SHPRH: variants seen among roughly 807,000 people sequenced by gnomAD.
The protein encoded by SHPRH is SNF2 histone linker PHD RING helicase, also known as E3 ubiquitin-protein ligase SHPRH.
Under a neutral mutation model 202.5 loss-of-function variants are expected in SHPRH, and 106 were observed. The ratio of observed to expected loss-of-function variants is 0.52; its 90% CI spans 0.45 to 0.62. The LOEUF is 0.62. SHPRH is among the 20% of genes least tolerant of loss of function. The pLI, the probability that SHPRH is intolerant of heterozygous loss-of-function variation, is 0.00. For synonymous variants in SHPRH, 729 were observed against 686.0 expected (o/e 1.06, Z -0.98); for missense variants, 1,710 against 2,020.0 (o/e 0.85, Z 2.94).
chr6:145,880,564 G>C (rs1444212395), downstream of SHPRH, among the ~76,000 whole-genome samples: 2 of 151,918 alleles, frequency 1.3e-5, no homozygotes, highest in Non-Finnish European at 2.9e-5. Context: ...GGGAGGTTGA[G>C]GCTGCAGTGA....
At chr6:145,918,286 T>A in intron 22 of SHPRH, 54 bp from the exon 23 acceptor site, 1 of 1,121,508 alleles carries the variant, frequency 8.9e-7, no homozygotes, top group Non-Finnish European at 1.2e-6. Context: ...ACAGTTAAAT[T>A]ATATTAAATA....
chr6:145,930,241 A>G (rs1044004625), intron 14 of SHPRH, among the ~76,000 whole-genome samples: 14 of 152,156 alleles, frequency 9.2e-5, no homozygotes, highest in African/African-American at 3.4e-4. Flanking sequence ...GCTTAATGTA[A>G]GAAGATTTAT....
At chr6:145,911,560 G>T (rs1490376630) in intron 24 of SHPRH, among the ~76,000 whole-genome samples, 2 of 152,192 alleles carry the variant, frequency 1.3e-5, no homozygotes, top group Admixed American at 1.3e-4. Flanking sequence ...TAGTCTAGGT[G>T]TAAGTTCTAA....
intron 9 of SHPRH, 101 bp from the exon 10 acceptor site, chr6:145,941,975 A>G: frequency 7.2e-7 from 1 of 1,398,568 alleles, no homozygotes; most frequent in Non-Finnish European, 9.7e-7. Context: ...CTATTTTCTT[A>G]GGAGCATTCA....
In SHPRH at chr6:145,922,608, A is replaced by C; in HGVS notation, c.3719+55T>G. The C allele has an allele frequency of 2.0e-6, 3 of 1,521,070 alleles. No individual in the cohort carries two copies. In the East Asian group the frequency reaches 7.1e-5, roughly 36 times the overall value. 94.2% of individuals were successfully genotyped at this position (1,521,070 alleles called of 1,614,324 possible). A position where few individuals can be genotyped will look rare whatever the true frequency, so the allele number is the denominator to read the frequency against. On this transcript the variant is annotated intron_variant, in intron 19 of 29. Transcript: ENST00000275233. ...TGAGTCAATTGTTTCTTCTCTAAGA[A>C]ATCTAGCTTAAAGAAATGGTACCAT...
chr6:145,907,293 T>C (rs1245071668), intron 25 of SHPRH: 1 of 152,074 alleles, frequency 6.6e-6, no homozygotes, highest in African/African-American at 2.4e-5. Context: ...GTCTAGAATA[T>C]ACCCACTTCT....
In SHPRH at chr6:145,894,991, C is replaced by T. The variant is rs768316793; in HGVS notation, c.4516-14G>A. 2 of 1,606,372 alleles carry T rather than the reference C, an allele frequency of 1.2e-6. No individual in the cohort carries two copies. Among genetic ancestry groups the T allele is most frequent in the African/African-American group, 2.7e-5 (2 of 74,630 alleles). On this transcript the variant is annotated splice_polypyrimidine_tract_variant and intron_variant, in intron 25 of 29. Transcript: ENST00000275233. The stretch of plus-strand genomic sequence containing the variant: ...AGAATGGCTGCCCTTTGAACACACA[C>T]ACAAAATACACATTACTACTAAAAA...
At chr6:145,898,658 G>C (rs1310456785) in intron 25 of SHPRH, among the ~76,000 whole-genome samples, 2 of 152,054 alleles carry the variant, frequency 1.3e-5, no homozygotes, top group African/African-American at 4.8e-5. Context: ...TATGAGGGCA[G>C]GCTGTTATAA....
chr6:145,879,732 G>A (rs1780466103), intron 2 of SHPRH, among the ~76,000 whole-genome samples: 1 of 152,004 alleles, frequency 6.6e-6, no homozygotes, highest in Admixed American at 6.6e-5. Flanking sequence ...CCAACATGGT[G>A]AAACCCCGTG....
At chr6:145,960,260 A>G (rs1788951566) in intron 1 of SHPRH, among the ~76,000 whole-genome samples, 1 of 152,182 alleles carries the variant, frequency 6.6e-6, no homozygotes, top group Admixed American at 6.5e-5. Flanking sequence ...GTAGTTTTCA[A>G]AGTGCTTAAA....
intron 3 of SHPRH, among the ~76,000 whole-genome samples, chr6:145,951,526 G>A (rs1285294259): frequency 1.3e-5 from 2 of 151,788 alleles, no homozygotes; most frequent in Non-Finnish European, 2.9e-5. Flanking sequence ...TTAGATACCA[G>A]GCTTTAAAAT....
At position 145,947,649 on chromosome 6, in the gene SHPRH, GA is replaced by G; in HGVS notation, c.1062-7del. On this transcript the variant is annotated splice_region_variant and splice_polypyrimidine_tract_variant and intron_variant, in intron 5 of 29. Coordinates refer to ENST00000275233, the MANE Select transcript of SHPRH (RefSeq NM_001042683.3). Reference sequence around the variant, plus strand: ...TTGGGTACTCACGAATGATGCTGAGGAAAAAAACAAGATAAATCACATCATA... The same window carrying G: ...TTGGGTACTCACGAATGATGCTGAGGAAAAAACAAGATAAATCACATCATA... The G allele has an allele frequency of 3.1e-6, 5 of 1,609,116 alleles. No homozygotes were observed. Among genetic ancestry groups the G allele is most frequent in the East Asian group, 2.2e-5 (1 of 44,780 alleles).
intron 24 of SHPRH, 105 bp from the exon 25 acceptor site, chr6:145,910,741 A>G (rs1195278253): frequency 1.8e-6 from 2 of 1,120,532 alleles, no homozygotes; most frequent in Non-Finnish European, 1.2e-6. Context: ...ATTTCATAAC[A>G]TTAATATTCT....
chr6:145,888,374 A>G (rs530862358), intron 28 of SHPRH, among the ~76,000 whole-genome samples: 1 of 152,258 alleles, frequency 6.6e-6, no homozygotes, highest in African/African-American at 2.4e-5. Context: ...AAAAAGAGTG[A>G]TGGGAATGAG....
At chr6:145,896,434 C>T (rs2247317) in intron 25 of SHPRH, among the ~76,000 whole-genome samples, 72,358 of 151,818 alleles carry the variant, frequency 0.48, 17,718 homozygotes, top group African/African-American at 0.57. Context: ...CTGATTAATA[C>T]GTTTCTTACT....
chr6:145,912,125 G>T (rs543803394), intron 24 of SHPRH, among the ~76,000 whole-genome samples: 1 of 151,880 alleles, frequency 6.6e-6, no homozygotes, highest in East Asian at 1.9e-4. Context: ...CATTAGGAGT[G>T]ACAGGAAGCT....
chr6:145,953,196 A>G (rs1788160002), intron 2 of SHPRH, among the ~76,000 whole-genome samples: 1 of 152,084 alleles, frequency 6.6e-6, no homozygotes, highest in African/African-American at 2.4e-5. Flanking sequence ...TGACTCCCTA[A>G]TCACTGAGAA....
intron 27 of SHPRH, among the ~76,000 whole-genome samples, chr6:145,893,868 C>A (rs766906519): frequency 6.6e-6 from 1 of 151,472 alleles, no homozygotes; most frequent in African/African-American, 2.4e-5. Context: ...GGGTGTGAGG[C>A]CCCTGTCCAT....
chr6:145,909,470 A>C (rs953839394), intron 25 of SHPRH: 3 of 152,138 alleles, frequency 2.0e-5, no homozygotes, highest in African/African-American at 7.2e-5. Flanking sequence ...TTTTACTCAA[A>C]TAACAGTGAA....
Sources: gnomAD v4.1 joint callset for allele counts (sites outside exome capture counted in the v4.1 genomes callset) on GRCh38, gnomAD v4.1.1 for gene constraint, MANE v1.5 for transcripts, NCBI Gene and HGNC (gene_info 2026-07-23, HGNC 2026-07-21) for gene names.